The following ZNF710 variants were observed in gnomAD, a reference collection of about 807,000 sequenced individuals.
ZNF710 encodes the protein zinc finger protein 710.
Under a neutral mutation model 50.6 loss-of-function variants are expected in ZNF710, and 13 were observed. The ratio of observed to expected loss-of-function variants is 0.26; its 90% CI spans 0.17 to 0.41. ZNF710 has a LOEUF of 0.41. Ranked by LOEUF, ZNF710 falls within the 10% of genes least tolerant of loss-of-function variation. The pLI is 1.00. For missense variants in ZNF710, 721 were observed against 936.6 expected (o/e 0.77, Z 3.01); for synonymous variants, 383 against 397.0 (o/e 0.96, Z 0.42).
intron 1 of ZNF710, among the ~76,000 whole-genome samples, chr15:90,031,595 C>T (rs1159378971): frequency 1.3e-5 from 2 of 152,194 alleles, no homozygotes; most frequent in Admixed American, 1.3e-4. Flanking sequence ...GGGAGAAACC[C>T]GGTTGGTTTT....
intron 1 of ZNF710, among the ~76,000 whole-genome samples, chr15:90,022,608 A>G (rs1347004273): frequency 1.3e-5 from 2 of 152,234 alleles, no homozygotes; most frequent in African/African-American, 2.4e-5. Flanking sequence ...TCACTCTGGC[A>G]TAAGCCGGGA....
At chr15:90,046,848 C>T (rs947869174) in intron 1 of ZNF710, among the ~76,000 whole-genome samples, 1 of 152,032 alleles carries the variant, frequency 6.6e-6, no homozygotes, top group African/African-American at 2.4e-5. Flanking sequence ...TATCTAGGGA[C>T]GTTTGGGATT....
chr15:90,018,732 C>T (rs907628856), intron 1 of ZNF710, among the ~76,000 whole-genome samples: 10 of 152,168 alleles, frequency 6.6e-5, no homozygotes, highest in Admixed American at 4.6e-4. Flanking sequence ...TCTTCATGGA[C>T]GTTGCTGGAG....
chr15:90,061,567 C>G (rs1300496999), intron 1 of ZNF710, among the ~76,000 whole-genome samples: 1 of 152,184 alleles, frequency 6.6e-6, no homozygotes, highest in South Asian at 2.1e-4. Context: ...CAAAATGGCT[C>G]CTGTCGTGCG....
intron 1 of ZNF710, among the ~76,000 whole-genome samples, chr15:90,066,053 A>G (rs761779102): frequency 8.5e-5 from 13 of 152,246 alleles, no homozygotes; most frequent in Non-Finnish European, 1.3e-4. Flanking sequence ...ACTCCAACGT[A>G]TAAAATCAGA....
Position 90,068,426 on chromosome 15 carries a change from A to T in ZNF710, c.1289A>T (p.Gln430Leu), listed in dbSNP as rs781346155. The T allele has an allele frequency of 2.5e-6, 4 of 1,613,874 alleles. No individual in the cohort carries two copies. The Admixed American group carries it at 5.0e-5, about 20-fold the overall frequency. ...TQLKRHLASH[Q>L]GPTLYQCLEC... ...CTCAAGCGCCACCTGGCCTCCCACC[A>T]GGGCCCCACCCTCTACCAGTGCCTC... Residue 430 changes from glutamine to leucine, a missense_variant, in exon 2 of 5, where the codon CAG becomes CTG. By Grantham distance (113) the Gln-to-Leu change is moderately radical. This residue lies in a region of ZNF710 where 326 missense variants were observed against 522.0 expected (regional missense o/e 0.62). Coordinates refer to ENST00000268154, the MANE Select transcript of ZNF710 (RefSeq NM_198526.4). This position sits in a 1 kb window ranked among gnomAD's most constrained non-coding sequence, Gnocchi z 5.0.
chr15:90,038,292 G>T (rs896011028), intron 1 of ZNF710, among the ~76,000 whole-genome samples: 2 of 152,208 alleles, frequency 1.3e-5, no homozygotes, highest in South Asian at 4.1e-4. Flanking sequence ...ACTCACCCAC[G>T]TGGTGTGTTT....
intron 1 of ZNF710, among the ~76,000 whole-genome samples, chr15:90,022,041 C>T (rs1247190819): frequency 6.6e-6 from 1 of 151,530 alleles, no homozygotes; most frequent in Admixed American, 6.6e-5. Flanking sequence ...GAGATCCAGC[C>T]ACTGTACTTC....
At chr15:90,064,573 C>T (rs1017614851) in intron 1 of ZNF710, among the ~76,000 whole-genome samples, 7 of 152,136 alleles carry the variant, frequency 4.6e-5, no homozygotes, top group African/African-American at 1.4e-4. Context: ...CTGCAACTTC[C>T]GCCTCCTGGG....
chr15:90,032,278 G>C (rs767306727), intron 1 of ZNF710, among the ~76,000 whole-genome samples: 2 of 152,134 alleles, frequency 1.3e-5, no homozygotes, highest in East Asian at 3.9e-4. Context: ...GATTATAGGC[G>C]TGAGCCACTG....
chr15:90,081,093 G>A lies in ZNF710; in HGVS notation c.*1264G>A, dbSNP rs1900710485. The stretch of plus-strand genomic sequence containing the variant: ...AGGCTGGGGTGGGAGGCAGGAGAAG[G>A]CAGAGCTGGGAAGCCCTCCACCCCT... On this transcript the variant is annotated 3_prime_UTR_variant, in exon 5 of 5. Coordinates refer to ENST00000268154, the MANE Select transcript of ZNF710 (RefSeq NM_198526.4). 6.6e-6 allele frequency: 1 copy of A among 152,212 alleles called. No individual in the cohort carries two copies. Among genetic ancestry groups the A allele is most frequent in the Admixed American group, 6.5e-5 (1 of 15,290 alleles). 9.4% of individuals were successfully genotyped at this position (152,212 alleles called of 1,614,324 possible).
At chr15:90,050,691 C>T (rs72630482) in intron 1 of ZNF710, among the ~76,000 whole-genome samples, 25,538 of 152,128 alleles carry the variant, frequency 0.17, 3,223 homozygotes, top group East Asian at 0.61. Context: ...CAGTCTGACC[C>T]TGCGGCCCAT....
chr15:90,008,959 T>A (rs1332659927), intron 1 of ZNF710, among the ~76,000 whole-genome samples: 1 of 152,194 alleles, frequency 6.6e-6, no homozygotes, highest in Non-Finnish European at 1.5e-5. Flanking sequence ...CCAACTATTT[T>A]CCCTTTCTTC....
At chr15:90,038,199 A>C (rs114427689) in intron 1 of ZNF710, among the ~76,000 whole-genome samples, 1 of 152,324 alleles carries the variant, frequency 6.6e-6, no homozygotes, top group East Asian at 1.9e-4. Context: ...CCCTCTCTCT[A>C]TCACCAGTGC....
rs1900031293 is a variant in ZNF710 at position 90,062,211 on chromosome 15, C to CCTCTCCCTTTCTCTCTCTCTCT, written c.-28-4894_-28-4873dup. 6.8e-6 allele frequency among the ~76,000 whole-genome samples: 1 copy of CCTCTCCCTTTCTCTCTCTCTCT among 147,722 alleles called. No individual in the cohort carries two copies. The highest frequency in any genetic ancestry group is 1.5e-5 in the Non-Finnish European group (1 of 66,910). On this transcript the variant is annotated intron_variant, in intron 1 of 4. Coordinates refer to ENST00000268154, the MANE Select transcript of ZNF710 (RefSeq NM_198526.4). The surrounding 1 kb of genome is among the most constrained non-coding windows in gnomAD (Gnocchi z 5.6). ...TCCCTGTCTCTTCATTTCTTCTCTC[C>CCTCTCCCTTTCTCTCTCTCTCT]CTCTCCCTTTCTCTCTCTCTCTCTC... is the stretch of plus-strand genomic sequence containing the variant.
chr15:90,049,974 T>C (rs1235778762), intron 1 of ZNF710, among the ~76,000 whole-genome samples: 1 of 152,250 alleles, frequency 6.6e-6, no homozygotes, highest in Admixed American at 6.5e-5. Context: ...TGCATGAAAG[T>C]ATCATTGTTA....
intron 1 of ZNF710, among the ~76,000 whole-genome samples, chr15:90,049,644 G>A (rs543657890): frequency 7.9e-5 from 12 of 152,234 alleles, no homozygotes; most frequent in Admixed American, 2.0e-4. Context: ...AGCTGACCAC[G>A]TTGGGTACCC....
upstream of ZNF710, among the ~76,000 whole-genome samples, chr15:89,998,565 G>A (rs1897961947): frequency 6.6e-6 from 1 of 152,184 alleles, no homozygotes; most frequent in East Asian, 1.9e-4. Context: ...GGTGTGGTGA[G>A]TCACTCTGGT....
At position 90,021,997 on chromosome 15, in the gene ZNF710, G is replaced by A. The variant is rs148345860; in HGVS notation, c.-29+20383G>A. On this transcript the variant is annotated intron_variant, in intron 1 of 4. Transcript: ENST00000268154. Reference sequence around the variant, plus strand: ...CTTGGGAGGCTGAGGCAGGAGAATCGCTTGAACCAGGGAGGCAGAGGTTGC... The same window carrying A: ...CTTGGGAGGCTGAGGCAGGAGAATCACTTGAACCAGGGAGGCAGAGGTTGC... Among the ~76,000 whole-genome samples the A allele has an allele frequency of 2.1e-4, 32 of 152,192 alleles. No individual in the cohort carries two copies. The East Asian group carries it at 6.0e-3, about 28-fold the overall frequency.
Sources: gnomAD v4.1 joint callset for allele counts (sites outside exome capture counted in the v4.1 genomes callset) on GRCh38, gnomAD v4.1.1 for gene constraint, gnomAD v4.1.1 regional missense constraint, Gnocchi (gnomAD v3.1) non-coding constraint, MANE v1.5 for transcripts, NCBI Gene and HGNC (gene_info 2026-07-23, HGNC 2026-07-21) for gene names.